CLASP1: variants seen among roughly 807,000 people sequenced by gnomAD.
CLASP1 encodes the protein CLIP-associating protein 1.
Under a neutral mutation model 192.3 loss-of-function variants are expected in CLASP1, and 38 were observed. The observed-to-expected ratio is 0.20, with a 90% CI of 0.15 to 0.26. The LOEUF is 0.26. Among genes scored for constraint, CLASP1 ranks in the 10% least tolerant of loss-of-function variants. The pLI is 1.00. For synonymous variants in CLASP1, 691 were observed against 712.8 expected (o/e 0.97, Z 0.49); for missense variants, 1,433 against 1,932.5 (o/e 0.74, Z 4.85).
At chr2:121,407,646 A>G in exon 25 of CLASP1, 1 of 1,613,984 alleles carries the variant, frequency 6.2e-7, no homozygotes, top group Non-Finnish European at 8.5e-7. Flanking sequence ...CAAACACTTG[A>G]GGCATCACTG....
At chr2:121,610,297 T>G (rs1400447746) in intron 1 of CLASP1, among the ~76,000 whole-genome samples, 30 of 102,118 alleles carry the variant, frequency 2.9e-4, no homozygotes, top group East Asian at 5.9e-4. Context: ...GGAGGAGGAG[T>G]TATGAGAGGA....
At chr2:121,454,426 G>A (rs547973703) in intron 14 of CLASP1, among the ~76,000 whole-genome samples, 8 of 152,244 alleles carry the variant, frequency 5.3e-5, no homozygotes, top group South Asian at 2.1e-4. Context: ...CTGGCACGCC[G>A]ACTTTGAACT....
Position 121,342,526 on chromosome 2 carries a change from G to T in CLASP1, c.4531-1579C>A, listed in dbSNP as rs76881179. 3.9e-5 allele frequency among the ~76,000 whole-genome samples: 6 copies of T among 152,186 alleles called. No individual in the cohort carries two copies. In the East Asian group the frequency reaches 9.7e-4, roughly 24 times the overall value. On this transcript the variant is annotated intron_variant, in intron 39 of 39. Transcript: ENST00000263710. Reference sequence around the variant, plus strand: ...AGTTATAAATGCTTACATTAAAAAAGAAAGCTCTCTAATCAACAACCTAAA... The same window carrying T: ...AGTTATAAATGCTTACATTAAAAAATAAAGCTCTCTAATCAACAACCTAAA...
intron 21 of CLASP1, 136 bp downstream of exon 21, chr2:121,427,268 G>T: frequency 9.1e-7 from 1 of 1,101,896 alleles, no homozygotes; most frequent in South Asian, 1.7e-5. Context: ...TCTAGAATTT[G>T]AACACAAAGA....
chr2:121,530,521 G>A lies in CLASP1; in HGVS notation c.196-196C>T, dbSNP rs996087096. ...AAAAAGAGCTATGTACAGCTATAATGGAAAATACTCGGTGAGGAGAAACGA... is the reference window on the plus strand; with the variant it reads ...AAAAAGAGCTATGTACAGCTATAATAGAAAATACTCGGTGAGGAGAAACGA... On this transcript the variant is annotated intron_variant, in intron 2 of 39. Coordinates refer to ENST00000263710, the Ensembl canonical transcript of CLASP1. 8.9e-6 allele frequency: 5 copies of A among 564,898 alleles called. No homozygotes were observed. The African/African-American group carries it at 9.4e-5, about 11-fold the overall frequency. The allele number at this position is 564,898 out of a possible 1,614,324, so 35.0% of individuals were successfully genotyped here. A position where few individuals can be genotyped will look rare whatever the true frequency, so the allele number is the denominator to read the frequency against.
rs1266534229 is a variant in CLASP1, at chr2:121,455,283, A to G, written c.1385+2404T>C. ...TCATGTAGTTATTAATGAGATGGAT[A>G]TAAAACCAACTACTAGGTATATATC... On this transcript the variant is annotated intron_variant, in intron 14 of 39. Transcript: ENST00000263710. Among the ~76,000 whole-genome samples the G allele has an allele frequency of 6.2e-4, 95 of 152,316 alleles. 1 individual carries two copies. Among genetic ancestry groups the G allele is most frequent in the Non-Finnish European group, 2.2e-4 (15 of 68,028 alleles).
At chr2:121,475,214 A>G (rs1202951024) in intron 8 of CLASP1, among the ~76,000 whole-genome samples, 1 of 152,238 alleles carries the variant, frequency 6.6e-6, no homozygotes, top group Non-Finnish European at 1.5e-5. Flanking sequence ...TTCTAGATTA[A>G]GAGCTGGACA....
chr2:121,587,528 T>A (rs2061859385), intron 2 of CLASP1, among the ~76,000 whole-genome samples: 1 of 152,072 alleles, frequency 6.6e-6, no homozygotes, highest in Non-Finnish European at 1.5e-5. Flanking sequence ...ATGTGATGAA[T>A]AAACAAGAAG....
rs1315266121 is a variant in CLASP1, at chr2:121,480,202, G to A, written c.713-10242C>T. Among the ~76,000 whole-genome samples the A allele has an allele frequency of 4.6e-5, 7 of 152,292 alleles. No individual in the cohort carries two copies. The East Asian group carries it at 1.2e-3, about 25-fold the overall frequency. ...TTCACAAAGGGAGGTCAAATGGGACGACACCGGGGAAAGACAGGCAAGGAA... is the reference window on the plus strand; with the variant it reads ...TTCACAAAGGGAGGTCAAATGGGACAACACCGGGGAAAGACAGGCAAGGAA... On this transcript the variant is annotated intron_variant, in intron 8 of 39. Coordinates refer to ENST00000263710, the Ensembl canonical transcript of CLASP1.
chr2:121,568,169 T>G (rs1184711602), intron 2 of CLASP1, among the ~76,000 whole-genome samples: 1 of 152,172 alleles, frequency 6.6e-6, no homozygotes, highest in East Asian at 1.9e-4. Flanking sequence ...GACTCAGGGC[T>G]GAATCAATAA....
At chr2:121,440,333 T>G (rs981335144) in intron 19 of CLASP1, among the ~76,000 whole-genome samples, 8 of 152,216 alleles carry the variant, frequency 5.3e-5, no homozygotes, top group African/African-American at 1.4e-4. Flanking sequence ...AATATTACTA[T>G]GAGTACCTGT....
chr2:121,378,639 T>TA (rs199631937), intron 33 of CLASP1, among the ~76,000 whole-genome samples: 28 of 151,554 alleles, frequency 1.8e-4, no homozygotes, highest in Admixed American at 2.6e-4. Flanking sequence ...AAGGGCAAGT[T>TA]AAAAAAAAAT....
At chr2:121,542,751 C>T (rs745542378) in intron 2 of CLASP1, among the ~76,000 whole-genome samples, 1 of 152,174 alleles carries the variant, frequency 6.6e-6, no homozygotes, top group African/African-American at 2.4e-5. Context: ...ATGGGACTTA[C>T]AAAGTTATGG....
chr2:121,368,394 C>T (rs1019433020), intron 34 of CLASP1, among the ~76,000 whole-genome samples: 1 of 152,160 alleles, frequency 6.6e-6, no homozygotes, highest in African/African-American at 2.4e-5. Flanking sequence ...TTAGATATTT[C>T]TGACTCAGAG....
chr2:121,539,127 C>T (rs2095169339), intron 2 of CLASP1, among the ~76,000 whole-genome samples: 1 of 152,176 alleles, frequency 6.6e-6, no homozygotes, highest in South Asian at 2.1e-4. Flanking sequence ...CCACTAAAAA[C>T]CCTAATAAAC....
chr2:121,447,358 G>A (rs763552579), exon 19 of CLASP1: 1 of 1,591,716 alleles, frequency 6.3e-7, no homozygotes, highest in Non-Finnish European at 8.6e-7. Context: ...TATGACCCTG[G>A]AGGCAAAGCT....
intron 9 of CLASP1, among the ~76,000 whole-genome samples, chr2:121,464,455 CCCA>C (rs1428426702): frequency 6.6e-6 from 1 of 152,114 alleles, no homozygotes; most frequent in Non-Finnish European, 1.5e-5. Context: ...AGTTTACAGT[CCCA>C]CCAACAGTGT....
At chr2:121,381,253 A>G (rs1357969275) in intron 33 of CLASP1, among the ~76,000 whole-genome samples, 1 of 152,174 alleles carries the variant, frequency 6.6e-6, no homozygotes, top group African/African-American at 2.4e-5. Context: ...CAAAAGTCAG[A>G]ATGCAAATCT....
intron 6 of CLASP1, among the ~76,000 whole-genome samples, chr2:121,516,542 A>G (rs1575595079): frequency 6.6e-6 from 1 of 152,248 alleles, no homozygotes; most frequent in Non-Finnish European, 1.5e-5. Context: ...AGAAAGCAGC[A>G]TGAAATACGA....
Sources: gnomAD v4.1 joint callset for allele counts (sites outside exome capture counted in the v4.1 genomes callset) on GRCh38, gnomAD v4.1.1 for gene constraint, MANE v1.5 for transcripts, NCBI Gene and HGNC (gene_info 2026-07-23, HGNC 2026-07-21) for gene names.